GNG12: variants seen among roughly 807,000 people sequenced by gnomAD.
GNG12 encodes the protein guanine nucleotide-binding protein G(I)/G(S)/G(O) subunit gamma-12.
For synonymous variants in GNG12, 28 were observed against 29.7 expected (o/e 0.94, Z 0.19); for missense variants, 69 against 83.8 (o/e 0.82, Z 0.69).
In GNG12 at chr1:67,806,821, T is replaced by C. The variant is rs1447580417; in HGVS notation, c.-77+26523A>G. Among the ~76,000 whole-genome samples, 4 of 152,194 alleles carry C rather than the reference T, an allele frequency of 2.6e-5. No individual in the cohort carries two copies. In the South Asian group the frequency reaches 8.3e-4, roughly 32 times the overall value. On this transcript the variant is annotated intron_variant, in intron 1 of 3. Coordinates refer to ENST00000370982, the MANE Select transcript of GNG12 (RefSeq NM_018841.6). ...AGAACTTAAAAGACAAATAGATCAA[T>C]CCACCATTATAATTGGAGATTTCAA...
chr1:67,786,177 T>C (rs1646766458), intron 1 of GNG12, among the ~76,000 whole-genome samples: 1 of 152,224 alleles, frequency 6.6e-6, no homozygotes, highest in African/African-American at 2.4e-5. Context: ...TAACATTTTA[T>C]TGAAATATGT....
intron 2 of GNG12, 198 bp downstream of exon 2, chr1:67,777,260 C>A (rs556198724): frequency 6.6e-6 from 1 of 152,274 alleles, no homozygotes; most frequent in South Asian, 2.1e-4. Context: ...TTATCCTGCC[C>A]ATGGTCTTAC....
chr1:67,760,602 C>A (rs1186834666), intron 2 of GNG12, among the ~76,000 whole-genome samples: 1 of 152,106 alleles, frequency 6.6e-6, no homozygotes, highest in Non-Finnish European at 1.5e-5. Context: ...AAGCGACTTG[C>A]CTAAAGTCAA....
chr1:67,730,357 T>G (rs1646411811), intron 2 of GNG12, among the ~76,000 whole-genome samples: 1 of 152,072 alleles, frequency 6.6e-6, no homozygotes, highest in Non-Finnish European at 1.5e-5. Flanking sequence ...AAAAATTAGC[T>G]GGGCATGGTG....
At chr1:67,769,933 C>T (rs896315324) in intron 2 of GNG12, among the ~76,000 whole-genome samples, 2 of 152,280 alleles carry the variant, frequency 1.3e-5, no homozygotes, top group East Asian at 3.9e-4. Context: ...TCCAACAACT[C>T]CAACTTAGCT....
chr1:67,789,192 A>C (rs1001431552), intron 1 of GNG12, among the ~76,000 whole-genome samples: 3 of 152,196 alleles, frequency 2.0e-5, no homozygotes, highest in Admixed American at 1.3e-4. Context: ...CCCGCTATTA[A>C]GTCCCGATTC....
At chr1:67,765,176 CTCTTT>C (rs1646628442) in intron 2 of GNG12, among the ~76,000 whole-genome samples, 2 of 152,130 alleles carry the variant, frequency 1.3e-5, no homozygotes, top group African/African-American at 4.8e-5. Flanking sequence ...TGTATGCACA[CTCTTT>C]TCTTTTCACA....
chr1:67,717,119 T>C (rs1646329765), intron 2 of GNG12, among the ~76,000 whole-genome samples: 1 of 152,208 alleles, frequency 6.6e-6, no homozygotes, highest in African/African-American at 2.4e-5. Context: ...ATGATTCTGA[T>C]ATAGGTCCTC....
chr1:67,771,027 G>C (rs1271392952), intron 2 of GNG12, among the ~76,000 whole-genome samples: 2 of 152,210 alleles, frequency 1.3e-5, no homozygotes, highest in Non-Finnish European at 2.9e-5. Context: ...GAGAGAGAGA[G>C]AGAGGCAGGC....
intron 2 of GNG12, among the ~76,000 whole-genome samples, chr1:67,731,558 G>T (rs1336126280): frequency 6.6e-6 from 1 of 152,214 alleles, no homozygotes; most frequent in East Asian, 1.9e-4. Context: ...GGCAAGTGTT[G>T]TGAAAGCCAT....
At chr1:67,733,228 A>T (rs1646431157) in intron 2 of GNG12, among the ~76,000 whole-genome samples, 1 of 152,134 alleles carries the variant, frequency 6.6e-6, no homozygotes, top group South Asian at 2.1e-4. Flanking sequence ...CTATTTTTGG[A>T]GCTGGTTTGG....
intron 1 of GNG12, among the ~76,000 whole-genome samples, chr1:67,827,998 T>C (rs1036744968): frequency 6.6e-6 from 1 of 152,194 alleles, no homozygotes; most frequent in Non-Finnish European, 1.5e-5. Context: ...ACCTGTTAAC[T>C]ACTCTCCTGT....
At chr1:67,745,090 G>T (rs1369788769) in intron 2 of GNG12, among the ~76,000 whole-genome samples, 2 of 152,178 alleles carry the variant, frequency 1.3e-5, no homozygotes, top group African/African-American at 4.8e-5. Flanking sequence ...AAAGTGTTTA[G>T]CACAGTGCTT....
chr1:67,815,323 C>A (rs1276272264), intron 1 of GNG12, among the ~76,000 whole-genome samples: 1 of 152,198 alleles, frequency 6.6e-6, no homozygotes, highest in Non-Finnish European at 1.5e-5. Context: ...CCACTAAAGC[C>A]ATTTCTAGTC....
At chr1:67,705,986 A>G (rs17130205) in intron 3 of GNG12, among the ~76,000 whole-genome samples, 1,603 of 152,324 alleles carry the variant, frequency 0.011, 23 homozygotes, top group African/African-American at 0.036. Flanking sequence ...TGTGTGAGGT[A>G]TTCTTATTAG....
At chr1:67,767,371 G>A (rs751033474) in intron 2 of GNG12, among the ~76,000 whole-genome samples, 17 of 152,172 alleles carry the variant, frequency 1.1e-4, no homozygotes, top group Admixed American at 2.0e-4. Context: ...GACAGATACC[G>A]AGGTGGAGCT....
intron 1 of GNG12, among the ~76,000 whole-genome samples, chr1:67,817,787 C>CT (rs66518207): frequency 0.01 from 1,090 of 108,234 alleles, 16 homozygotes; most frequent in East Asian, 0.019. Context: ...TTCTTTCTTT[C>CT]TTTTTTTTTT....
intron 2 of GNG12, among the ~76,000 whole-genome samples, chr1:67,731,701 C>A (rs556447989): frequency 6.6e-6 from 1 of 152,298 alleles, no homozygotes; most frequent in Non-Finnish European, 1.5e-5. Flanking sequence ...CTGGAGGCAA[C>A]TGAAAGCTAC....
intron 2 of GNG12, among the ~76,000 whole-genome samples, chr1:67,774,513 T>C (rs1186251683): frequency 1.3e-5 from 2 of 152,190 alleles, no homozygotes; most frequent in Non-Finnish European, 2.9e-5. Flanking sequence ...CACAGGGTGA[T>C]GGCCTTGAAC....
Sources: allele counts gnomAD v4.1 joint callset (sites outside exome capture counted in the v4.1 genomes callset), GRCh38; gene constraint gnomAD v4.1.1; transcripts MANE v1.5; gene names NCBI Gene and HGNC (gene_info 2026-07-23, HGNC 2026-07-21).